Variants in OR3A2 observed in about 807,000 individuals in gnomAD.
OR3A2 encodes the protein olfactory receptor 3A2.
For synonymous variants in OR3A2, 126 were observed against 159.3 expected, an observed-to-expected ratio of 0.79 and a Z score of 1.57; for missense variants, 318 against 392.8, an observed-to-expected ratio of 0.81 and a Z score of 1.61.
At chr17:3,300,568 AAATT>A (rs377483584) in intron 3 of OR3A2, among the ~76,000 whole-genome samples, 4 of 152,048 alleles carry the variant, frequency 2.6e-5, no homozygotes, top group African/African-American at 7.2e-5. Context: ...CAAAATAAAT[AAATT>A]AATTAATTAA....
chr17:3,315,317 G>T (rs565079093), intron 3 of OR3A2, among the ~76,000 whole-genome samples: 1 of 152,178 alleles, frequency 6.6e-6, no homozygotes, highest in Non-Finnish European at 1.5e-5. Context: ...ACGTAGAAGC[G>T]TTCTCTTTTC....
At chr17:3,323,498 G>GT (rs1019126274) in intron 3 of OR3A2, among the ~76,000 whole-genome samples, 2 of 152,044 alleles carry the variant, frequency 1.3e-5, no homozygotes, top group African/African-American at 4.8e-5. Context: ...GCTGGTACCG[G>GT]TTGTTCCTTT....
intron 2 of OR3A2, among the ~76,000 whole-genome samples, chr17:3,360,329 A>C (rs375273516): frequency 2.6e-5 from 4 of 151,730 alleles, no homozygotes; most frequent in African/African-American, 2.4e-5. Flanking sequence ...CCATTGTCAG[A>C]TGAGTAGATT....
upstream of OR3A2, among the ~76,000 whole-genome samples, chr17:3,288,902 C>T (rs2048838857): frequency 6.6e-6 from 1 of 152,096 alleles, no homozygotes; most frequent in African/African-American, 2.4e-5. Flanking sequence ...GTATTATTGG[C>T]AGTCGCAAAA....
At chr17:3,373,776 C>T (rs1260798821) in intron 2 of OR3A2, among the ~76,000 whole-genome samples, 2 of 152,072 alleles carry the variant, frequency 1.3e-5, no homozygotes, top group Non-Finnish European at 2.9e-5. Flanking sequence ...AACTGGGGCA[C>T]TTAGGCCATT....
At chr17:3,341,932 G>T (rs1433785154) in intron 2 of OR3A2, among the ~76,000 whole-genome samples, 1 of 152,090 alleles carries the variant, frequency 6.6e-6, no homozygotes, top group East Asian at 1.9e-4. Flanking sequence ...TTTTCACATA[G>T]TCCCATATTT....
chr17:3,310,389 C>T, intron 3 of OR3A2: 1 of 535,082 alleles, frequency 1.9e-6, no homozygotes, highest in South Asian at 1.4e-5. Context: ...TGCAGCTCTA[C>T]AGCCCATCCT....
chr17:3,372,036 T>A (rs1597363066), intron 2 of OR3A2, among the ~76,000 whole-genome samples: 1 of 126,924 alleles, frequency 7.9e-6, no homozygotes, highest in African/African-American at 3.3e-5. Flanking sequence ...ACGGGGCGGC[T>A]GCCGGGCGGA....
At chr17:3,386,273 T>C (rs227979) in exon 1 of OR3A2, 167,122 of 398,332 alleles carry the variant, frequency 0.42, 36,097 homozygotes, top group Admixed American at 0.59. Context: ...AGCTACCTCC[T>C]GGCGGCCATG....
intron 1 of OR3A2, among the ~76,000 whole-genome samples, chr17:3,384,965 G>T (rs1449811760): frequency 6.6e-6 from 1 of 152,182 alleles, no homozygotes; most frequent in Admixed American, 6.5e-5. Context: ...GCCAAGGCGG[G>T]TGGATCACCT....
At chr17:3,369,967 C>T (rs1184126883) in intron 2 of OR3A2, among the ~76,000 whole-genome samples, 1 of 151,978 alleles carries the variant, frequency 6.6e-6, no homozygotes, top group Non-Finnish European at 1.5e-5. Flanking sequence ...CCACGCATGG[C>T]TAATTTTTGT....
At chr17:3,289,719 G>A (rs1597320184) in intron 3 of OR3A2, among the ~76,000 whole-genome samples, 1 of 152,168 alleles carries the variant, frequency 6.6e-6, no homozygotes, top group African/African-American at 2.4e-5. Flanking sequence ...AACAGACCCA[G>A]AGGAACTCAT....
chr17:3,310,268 C>T (rs2049029911), intron 3 of OR3A2: 2 of 498,394 alleles, frequency 4.0e-6, no homozygotes, highest in Admixed American at 4.1e-5. Flanking sequence ...CCACCACCGG[C>T]CCCATCTAAC....
intron 2 of OR3A2, among the ~76,000 whole-genome samples, chr17:3,365,794 CT>C (rs1265552148): frequency 6.6e-6 from 1 of 152,188 alleles, no homozygotes; most frequent in African/African-American, 2.4e-5. Context: ...TACAACGTGT[CT>C]TTGCCATCAT....
chr17:3,361,148 G>A (rs2049511432), intron 2 of OR3A2, among the ~76,000 whole-genome samples: 1 of 150,884 alleles, frequency 6.6e-6, no homozygotes, highest in Non-Finnish European at 1.5e-5. Flanking sequence ...TTTGTAAGTT[G>A]GATTCCTAGG....
chr17:3,300,136 CTT>C (rs879293427), intron 3 of OR3A2, among the ~76,000 whole-genome samples: 4 of 144,996 alleles, frequency 2.8e-5, no homozygotes, highest in African/African-American at 5.1e-5. Context: ...TCCCTTCCCT[CTT>C]TTTTTTTTTT....
intron 3 of OR3A2, among the ~76,000 whole-genome samples, chr17:3,308,797 T>C (rs2049017737): frequency 6.6e-6 from 1 of 152,144 alleles, no homozygotes; most frequent in African/African-American, 2.4e-5. Flanking sequence ...TGCTCATGCC[T>C]TTTGCCCCCT....
At chr17:3,300,126 TC>T (rs2150625746) in intron 3 of OR3A2, among the ~76,000 whole-genome samples, 1 of 151,726 alleles carries the variant, frequency 6.6e-6, no homozygotes, top group Admixed American at 6.6e-5. Flanking sequence ...TATAAGACTT[TC>T]CCTTCCCTCT....
exon 2 of OR3A2, chr17:3,278,739 G>T (rs1451816694): frequency 6.1e-6 from 8 of 1,320,692 alleles, no homozygotes; most frequent in Middle Eastern, 4.9e-4. Flanking sequence ...GTACATGGGG[G>T]CGTGGAGTTT....
Sources: allele counts gnomAD v4.1 joint callset (sites outside exome capture counted in the v4.1 genomes callset), GRCh38; gene constraint gnomAD v4.1.1; transcripts MANE v1.5; gene names NCBI Gene and HGNC (gene_info 2026-07-23, HGNC 2026-07-21).